Variants in NLGN4X observed in about 807,000 individuals in gnomAD.
NLGN4X encodes the protein neuroligin-4, X-linked.
Under a neutral mutation model 40.3 loss-of-function variants are expected in NLGN4X, and 3 were observed. The observed-to-expected ratio is 0.07, with a 90% CI of 0.03 to 0.19. The LOEUF (loss-of-function observed/expected upper bound fraction) is 0.19, where lower values mean the gene tolerates loss of function less well. NLGN4X is among the 10% of genes least tolerant of loss of function. The pLI, the probability that NLGN4X is intolerant of heterozygous loss-of-function variation, is 1.00. For missense variants in NLGN4X, 382 were observed against 708.3 expected, an observed-to-expected ratio of 0.54 and a Z score of 5.23; for synonymous variants, 270 against 306.8, an observed-to-expected ratio of 0.88 and a Z score of 1.25.
chrX:5,936,577 T>C (rs2033737757), intron 3 of NLGN4X, among the ~76,000 whole-genome samples: 1 of 111,434 alleles, frequency 9.0e-6, no homozygotes, highest in African/African-American at 3.3e-5. Flanking sequence ...CACGTGGGAG[T>C]TGTTTTGCAA....
rs763646742 is a variant in NLGN4X, at chrX:6,190,862, G to A, written c.-306+37679C>T. Among the ~76,000 whole-genome samples, 6 of 111,458 alleles carry A rather than the reference G, an allele frequency of 5.4e-5. No individual in the cohort carries two copies. In the East Asian group the frequency reaches 1.4e-3, roughly 26 times the overall value. On this transcript the variant is annotated intron_variant, in intron 1 of 5. Transcript: ENST00000381095. ...CAAATCTTTACTCTAGAAGAAAATGGACTTCCGGTGAGCAGTGCAGCCAAG... is the reference window on the plus strand; with the variant it reads ...CAAATCTTTACTCTAGAAGAAAATGAACTTCCGGTGAGCAGTGCAGCCAAG...
intron 1 of NLGN4X, among the ~76,000 whole-genome samples, chrX:6,206,125 A>C (rs113587473): frequency 5.9e-5 from 1 of 17,031 alleles, no homozygotes; most frequent in East Asian, 6.8e-4. Flanking sequence ...GAATTATGAG[A>C]CCCCCCACTC....
rs1284654241 is a variant in NLGN4X, at chrX:5,967,807, A to T, written c.626-58568T>A. Among the ~76,000 whole-genome samples, 17 of 110,770 alleles carry T rather than the reference A, an allele frequency of 1.5e-4. No homozygotes were observed. The Admixed American group carries it at 1.6e-3, about 11-fold the overall frequency. The stretch of plus-strand genomic sequence containing the variant: ...CACAGGAAAGGTTACTTCCTGTAAT[A>T]TTTACAATGCTGGTCCTGTGATACC... On this transcript the variant is annotated intron_variant, in intron 3 of 5. Coordinates refer to ENST00000381095, the MANE Select transcript of NLGN4X (RefSeq NM_181332.3).
Position 6,028,092 on chromosome X carries a change from T to C in NLGN4X, c.625+1188A>G, listed in dbSNP as rs770433563. Among the ~76,000 whole-genome samples the C allele has an allele frequency of 2.7e-5, 3 of 111,228 alleles. No homozygotes were observed. The South Asian group carries it at 1.1e-3, about 43-fold the overall frequency. On this transcript the variant is annotated intron_variant, in intron 3 of 5. Transcript: ENST00000381095. ...TGGGCCTCCCAAAGTGCTGGGATTA[T>C]AGGCGAGAGCCACCACACCTGGCCT...
intron 3 of NLGN4X, chrX:5,991,428 A>G: frequency 1.9e-6 from 1 of 517,444 alleles, no homozygotes; most frequent in Non-Finnish European, 3.5e-6. Context: ...TTCCATCCTC[A>G]TTTCTGAAAG....
At chrX:6,220,733 TC>T (rs1925587137) in intron 1 of NLGN4X, among the ~76,000 whole-genome samples, 1 of 75,052 alleles carries the variant, frequency 1.3e-5, no homozygotes, top group Non-Finnish European at 2.4e-5. Context: ...TTTATAACTT[TC>T]TTTTTTTTTT....
At chrX:6,182,239 G>A (rs1403338446) in intron 1 of NLGN4X, among the ~76,000 whole-genome samples, 1 of 111,960 alleles carries the variant, frequency 8.9e-6, no homozygotes, top group Non-Finnish European at 1.9e-5. Flanking sequence ...GGTCACACAC[G>A]TGATAATATT....
At chrX:6,029,548 T>C in intron 2 of NLGN4X, 116 bp from the exon 3 acceptor site, 1 of 714,728 alleles carries the variant, frequency 1.4e-6, no homozygotes. Flanking sequence ...ATTAAGCACA[T>C]TTATTTTTAT....
intron 3 of NLGN4X, among the ~76,000 whole-genome samples, chrX:5,981,091 A>G (rs758044368): frequency 9.0e-6 from 1 of 111,162 alleles, no homozygotes; most frequent in Admixed American, 9.6e-5. Flanking sequence ...AGTGTCCCTC[A>G]GTGACAGAGT....
chrX:5,929,239 G>T (rs2033449010), intron 3 of NLGN4X, among the ~76,000 whole-genome samples: 1 of 111,576 alleles, frequency 9.0e-6, no homozygotes, highest in African/African-American at 3.3e-5. Context: ...GAGGTGGGAA[G>T]ATCACCTGAG....
intron 2 of NLGN4X, among the ~76,000 whole-genome samples, chrX:6,135,130 C>G (rs955342215): frequency 1.6e-4 from 18 of 112,086 alleles, no homozygotes; most frequent in African/African-American, 5.8e-4. Flanking sequence ...CGTTTCCCAT[C>G]TGGCATTAAA....
chrX:5,912,441 A>G (rs1409876335), intron 3 of NLGN4X, among the ~76,000 whole-genome samples: 1 of 111,512 alleles, frequency 9.0e-6, no homozygotes, highest in Non-Finnish European at 1.9e-5. Context: ...GAGTAACAAT[A>G]AAACTCCAGT....
intron 1 of NLGN4X, among the ~76,000 whole-genome samples, chrX:6,209,919 G>C (rs1318929891): frequency 1.8e-5 from 2 of 112,350 alleles, no homozygotes; most frequent in Non-Finnish European, 3.8e-5. Context: ...GGCACTATCA[G>C]AGTTCACTGC....
intron 3 of NLGN4X, among the ~76,000 whole-genome samples, chrX:6,027,024 C>G (rs907183858): frequency 2.7e-5 from 3 of 111,694 alleles, no homozygotes; most frequent in Non-Finnish European, 5.6e-5. Flanking sequence ...CAATTCATCA[C>G]GCATGCAACA....
intron 3 of NLGN4X, among the ~76,000 whole-genome samples, chrX:5,943,403 G>A (rs2034015186): frequency 8.9e-6 from 1 of 111,838 alleles, no homozygotes; most frequent in Non-Finnish European, 1.9e-5. Context: ...TGATGATGAA[G>A]AGAAACCATC....
intron 3 of NLGN4X, among the ~76,000 whole-genome samples, chrX:5,976,713 A>G (rs1422492296): frequency 8.9e-6 from 1 of 112,954 alleles, no homozygotes; most frequent in South Asian, 3.7e-4. Flanking sequence ...AGATTTGTAC[A>G]TCAGTGTGTT....
intron 3 of NLGN4X, among the ~76,000 whole-genome samples, chrX:6,010,846 T>C (rs1432060612): frequency 9.0e-6 from 1 of 111,255 alleles, no homozygotes; most frequent in Non-Finnish European, 1.9e-5. Flanking sequence ...TTTTTCTACA[T>C]CAATTTAGGG....
At chrX:5,906,149 A>C (rs1454140755) in intron 4 of NLGN4X, among the ~76,000 whole-genome samples, 7 of 112,362 alleles carry the variant, frequency 6.2e-5, no homozygotes, top group Non-Finnish European at 3.7e-5. Context: ...TAAATCTACA[A>C]TTGTGATTAT....
At chrX:6,132,653 A>C (rs919722595) in intron 2 of NLGN4X, among the ~76,000 whole-genome samples, 1 of 111,774 alleles carries the variant, frequency 8.9e-6, no homozygotes, top group African/African-American at 3.3e-5. Flanking sequence ...GCCATTGGAA[A>C]TATCTCCACA....
Sources: allele counts gnomAD v4.1 joint callset (sites outside exome capture counted in the v4.1 genomes callset), GRCh38; gene constraint gnomAD v4.1.1; transcripts MANE v1.5; gene names NCBI Gene and HGNC (gene_info 2026-07-23, HGNC 2026-07-21).